LCP2: variants seen among roughly 807,000 people sequenced by gnomAD.
LCP2 encodes the protein 76 kDa tyrosine phosphoprotein.
LCP2 carries 29 observed loss-of-function variants against 74.5 expected under a neutral mutation model. That is an observed-to-expected ratio of 0.39 (90% CI 0.29 to 0.53). LCP2 has a LOEUF of 0.53. Ranked by LOEUF, LCP2 falls within the 20% of genes least tolerant of loss-of-function variation. The pLI, the probability that LCP2 is intolerant of heterozygous loss-of-function variation, is 0.72. For missense variants in LCP2, 604 were observed against 634.6 expected (o/e 0.95, Z 0.52); for synonymous variants, 228 against 229.5 (o/e 0.99, Z 0.06).
chr5:170,261,167 C>T (rs1761642907), intron 13 of LCP2, 30 bp from the exon 14 acceptor site: 2 of 1,567,822 alleles, frequency 1.3e-6, no homozygotes, highest in East Asian at 2.2e-5. Flanking sequence ...ATAAAAAGAA[C>T]TGAGCATGAA....
chr5:170,288,121 G>A, intron 2 of LCP2, 105 bp from the exon 3 acceptor site: 1 of 1,208,360 alleles, frequency 8.3e-7, no homozygotes, highest in Admixed American at 1.9e-5. Flanking sequence ...GGTGGGGACT[G>A]TGGCAAACAG....
rs147398341 is a variant in LCP2, at chr5:170,259,189, CA to C, written c.958-312del. On this transcript the variant is annotated intron_variant, in intron 14 of 20. Transcript: ENST00000046794. ...ATATTGACAATATCTACAATGTGTCCAAAAGATTCATACACAAGATTTCATT... is the reference window on the plus strand; with the variant it reads ...ATATTGACAATATCTACAATGTGTCCAAAGATTCATACACAAGATTTCATT... 1.1e-4 allele frequency among the ~76,000 whole-genome samples: 17 copies of C among 152,200 alleles called. No homozygotes were observed. In the East Asian group the frequency reaches 2.9e-3, roughly 26 times the overall value.
Position 170,248,831 on chromosome 5 carries a change from A to C in LCP2, c.1480-12T>G. ...ACAGACAGAAAGTCCTGAAAGAGTC[A>C]AGATAGGGAGATGAGTCAACATTGG... On this transcript the variant is annotated splice_polypyrimidine_tract_variant and intron_variant, in intron 20 of 20. Coordinates refer to ENST00000046794, the MANE Select transcript of LCP2 (RefSeq NM_005565.5). 1 of 1,611,352 alleles carries C rather than the reference A, an allele frequency of 6.2e-7. No homozygotes were observed. Among genetic ancestry groups the C allele is most frequent in the Non-Finnish European group, 8.5e-7 (1 of 1,178,420 alleles).
chr5:170,270,678 T>G, intron 7 of LCP2, 41 bp downstream of exon 7: 2 of 1,512,426 alleles, frequency 1.3e-6, no homozygotes, highest in Non-Finnish European at 1.8e-6. Flanking sequence ...GAGCTTGCCT[T>G]TGGGCTGCTC....
At chr5:170,254,546 G>A (rs1164296489) in intron 17 of LCP2, among the ~76,000 whole-genome samples, 1 of 152,202 alleles carries the variant, frequency 6.6e-6, no homozygotes, top group African/African-American at 2.4e-5. Context: ...AGCTGCCAGT[G>A]CCTTCCTTCT....
At position 170,281,491 on chromosome 5, in the gene LCP2, A is replaced by G. The variant is rs184105157; in HGVS notation, c.189-5631T>C. Among the ~76,000 whole-genome samples the G allele has an allele frequency of 7.5e-4, 115 of 152,320 alleles. 1 individual carries two copies. The highest frequency in any genetic ancestry group is 2.3e-3 in the African/African-American group (96 of 41,562). ...GAAACAGCGTTTCACTGTGTTAGCCAGGATGGTCTCGATCTCCTGACCTTG... is the reference window on the plus strand; with the variant it reads ...GAAACAGCGTTTCACTGTGTTAGCCGGGATGGTCTCGATCTCCTGACCTTG... On this transcript the variant is annotated intron_variant, in intron 3 of 20. Transcript: ENST00000046794.
intron 3 of LCP2, among the ~76,000 whole-genome samples, chr5:170,278,115 CGTGTCAGGTGGTGCTGGCT>C (rs1762037368): frequency 6.7e-6 from 1 of 150,358 alleles, no homozygotes; most frequent in African/African-American, 2.5e-5. Flanking sequence ...GTGTCCTGGC[CGTGTCAGGTGGTGCTGGCT>C]GCAGCAGCCA....
intron 3 of LCP2, among the ~76,000 whole-genome samples, chr5:170,277,490 A>T (rs373338545): frequency 6.6e-6 from 1 of 152,046 alleles, no homozygotes; most frequent in East Asian, 1.9e-4. Context: ...GCTCACGCCT[A>T]TAATCCTAGC....
intron 17 of LCP2, among the ~76,000 whole-genome samples, chr5:170,253,884 T>C (rs753725209): frequency 6.6e-6 from 1 of 152,250 alleles, no homozygotes; most frequent in Non-Finnish European, 1.5e-5. Flanking sequence ...TTTTCTCATT[T>C]ACAGTTCCTT....
At chr5:170,295,513 C>T (rs927646332) in intron 1 of LCP2, among the ~76,000 whole-genome samples, 1 of 152,190 alleles carries the variant, frequency 6.6e-6, no homozygotes, top group African/African-American at 2.4e-5. Flanking sequence ...ACAGGAAAGT[C>T]GCCAAGCTAG....
At chr5:170,250,686 A>G (rs888395875) in intron 20 of LCP2, 44 bp downstream of exon 20, 8 of 1,542,458 alleles carry the variant, frequency 5.2e-6, no homozygotes, top group African/African-American at 2.7e-5. Flanking sequence ...GCAGAGTGGC[A>G]TAAATAAAGA....
chr5:170,272,746 G>C (rs1356738521), intron 6 of LCP2, among the ~76,000 whole-genome samples: 1 of 151,090 alleles, frequency 6.6e-6, no homozygotes, highest in African/African-American at 2.4e-5. Context: ...CCAAGTAGCT[G>C]GGACTACAGG....
rs549039785 is a variant in LCP2 at position 170,296,073 on chromosome 5, C to G, written c.78+1461G>C. Among the ~76,000 whole-genome samples, 6 of 152,302 alleles carry G rather than the reference C, an allele frequency of 3.9e-5. No individual in the cohort carries two copies. In the South Asian group the frequency reaches 1.2e-3, roughly 32 times the overall value. On this transcript the variant is annotated intron_variant, in intron 1 of 20. Coordinates refer to ENST00000046794, the MANE Select transcript of LCP2 (RefSeq NM_005565.5). Reference sequence around the variant, plus strand: ...CTGTGCCTCTCAGCCCGTCCCAAGTCTTTCTCTTCATAATTCTCAATTCCT... The same window carrying G: ...CTGTGCCTCTCAGCCCGTCCCAAGTGTTTCTCTTCATAATTCTCAATTCCT...
chr5:170,295,078 C>T (rs950733910), intron 1 of LCP2, among the ~76,000 whole-genome samples: 1 of 152,086 alleles, frequency 6.6e-6, no homozygotes, highest in Non-Finnish European at 1.5e-5. Context: ...TCTAAGGTCA[C>T]ACAGTGAGCT....
chr5:170,255,284 C>T (rs775901353), intron 17 of LCP2, among the ~76,000 whole-genome samples: 32 of 152,120 alleles, frequency 2.1e-4, no homozygotes, highest in Non-Finnish European at 2.8e-4. Flanking sequence ...AGTGGGATCT[C>T]GCCCCTCTAT....
chr5:170,256,529 G>A lies in LCP2; in HGVS notation c.1147C>T (p.Gln383Ter). Residue 383 changes from glutamine (Q) to a stop codon, truncating the protein, a stop_gained, in exon 17 of 21, where the codon CAA becomes TAA. Coordinates refer to ENST00000046794, the MANE Select transcript of LCP2 (RefSeq NM_005565.5). LOFTEE classifies it high-confidence loss of function. The surrounding 1 kb of genome is among the most constrained non-coding windows in gnomAD (Gnocchi z 4.5). ...QSASLPPYFS[Q>*]GPSNRPPIRA... is the part of the protein sequence containing the mutation. ...CACAAAAGCCCAGAGTACAAACCTTGAGAGAAGTATGGTGGCAGGGAGGCA... is the reference window on the plus strand; with the variant it reads ...CACAAAAGCCCAGAGTACAAACCTTAAGAGAAGTATGGTGGCAGGGAGGCA... The A allele has an allele frequency of 4.3e-6, 7 of 1,612,390 alleles. No individual in the cohort carries two copies. Among genetic ancestry groups the A allele is most frequent in the Non-Finnish European group, 5.9e-6 (7 of 1,178,456 alleles).
At chr5:170,272,597 CTTTTTTTTTTTTTTTTTT>C (rs61463939) in intron 6 of LCP2, among the ~76,000 whole-genome samples, 1 of 40,342 alleles carries the variant, frequency 2.5e-5, no homozygotes, top group Non-Finnish European at 4.5e-5. Flanking sequence ...CAAATATTTT[CTTTTTTTTTTTTTTTTTT>C]TTTTTTTTTT....
chr5:170,260,452 A>T (rs1761632002), intron 14 of LCP2, among the ~76,000 whole-genome samples: 2 of 152,228 alleles, frequency 1.3e-5, no homozygotes, highest in African/African-American at 4.8e-5. Flanking sequence ...CTTTATAAGC[A>T]TGCAATTTGC....
intron 6 of LCP2, chr5:170,273,920 C>CGGGGGA (rs1554140685): frequency 2.3e-5 from 2 of 85,864 alleles, no homozygotes; most frequent in African/African-American, 6.6e-5. Flanking sequence ...TTTTTGGAGA[C>CGGGGGA]GGGGGGGTAG....
Sources: allele counts gnomAD v4.1 joint callset (sites outside exome capture counted in the v4.1 genomes callset), GRCh38; gene constraint gnomAD v4.1.1; non-coding constraint Gnocchi (gnomAD v3.1); transcripts MANE v1.5; gene names NCBI Gene and HGNC (gene_info 2026-07-23, HGNC 2026-07-21).